Variants in NRG3 observed in about 807,000 individuals in gnomAD.
The protein encoded by NRG3 is pro-neuregulin-3, membrane-bound isoform.
Under a neutral mutation model 66.9 loss-of-function variants are expected in NRG3, and 31 were observed. The ratio of observed to expected loss-of-function variants is 0.46; its 90% CI spans 0.35 to 0.63. The LOEUF (loss-of-function observed/expected upper bound fraction) is 0.63. Among genes scored for constraint, NRG3 ranks in the 20% least tolerant of loss-of-function variants. NRG3 has a pLI of 0.00. For synonymous variants in NRG3, 393 were observed against 359.4 expected (o/e 1.09, Z -1.06); for missense variants, 910 against 878.9 (o/e 1.04, Z -0.45).
At chr10:82,473,883 C>T (rs1024562937) in intron 2 of NRG3, among the ~76,000 whole-genome samples, 1 of 152,012 alleles carries the variant, frequency 6.6e-6, no homozygotes, top group East Asian at 1.9e-4. Flanking sequence ...CGTGAAGACC[C>T]CTGAGACAAG....
chr10:82,254,654 T>TAC (rs147171906), intron 1 of NRG3, among the ~76,000 whole-genome samples: 37,086 of 148,920 alleles, frequency 0.25, 4,692 homozygotes, highest in East Asian at 0.38. Flanking sequence ...ACAAAACAAA[T>TAC]ACACACACAC....
chr10:82,835,852 GCTTAAGTT>G (rs2062748242), intron 3 of NRG3, among the ~76,000 whole-genome samples: 1 of 152,046 alleles, frequency 6.6e-6, no homozygotes, highest in Non-Finnish European at 1.5e-5. Flanking sequence ...AGAATGCCTC[GCTTAAGTT>G]CAATTCAGTC....
At chr10:82,434,570 A>G (rs1301011779) in intron 2 of NRG3, among the ~76,000 whole-genome samples, 1 of 152,210 alleles carries the variant, frequency 6.6e-6, no homozygotes, top group Non-Finnish European at 1.5e-5. Context: ...TCAATATGAT[A>G]TTGGCTGTGG....
At chr10:82,958,850 G>A in intron 5 of NRG3, 99 bp from the exon 6 acceptor site, 1 of 1,323,016 alleles carries the variant, frequency 7.6e-7, no homozygotes. Flanking sequence ...TTTAACTTTA[G>A]CAAATAACAA....
chr10:82,552,091 T>G (rs558747110), intron 2 of NRG3, among the ~76,000 whole-genome samples: 1 of 152,254 alleles, frequency 6.6e-6, no homozygotes, highest in South Asian at 2.1e-4. Flanking sequence ...TGGAGTTGCT[T>G]TTCTTCAACA....
intron 6 of NRG3, among the ~76,000 whole-genome samples, chr10:82,964,257 C>G (rs2132493607): frequency 6.6e-6 from 1 of 152,228 alleles, no homozygotes; most frequent in South Asian, 2.1e-4. Flanking sequence ...AATAATCTCA[C>G]AAATGTGGGC....
chr10:82,747,458 T>A (rs949805947), intron 3 of NRG3, among the ~76,000 whole-genome samples: 9 of 152,084 alleles, frequency 5.9e-5, no homozygotes, highest in African/African-American at 2.2e-4. Flanking sequence ...TGTTTACATT[T>A]CCGTGAGTGA....
At chr10:82,180,847 A>G (rs1351949719) in intron 1 of NRG3, among the ~76,000 whole-genome samples, 1 of 151,896 alleles carries the variant, frequency 6.6e-6, no homozygotes, top group Non-Finnish European at 1.5e-5. Context: ...AGTGTTTAGT[A>G]GAATTTACCA....
Position 82,150,474 on chromosome 10 carries a change from T to C in NRG3, c.824-208265T>C, listed in dbSNP as rs2070624837. 2.3e-5 allele frequency among the ~76,000 whole-genome samples: 3 copies of C among 128,560 alleles called. No individual in the cohort carries two copies. The Admixed American group carries it at 2.8e-4, about 12-fold the overall frequency. The allele number at this position is 128,560 out of a possible 152,430, so 84.3% of individuals were successfully genotyped here. On this transcript the variant is annotated intron_variant, in intron 1 of 8. Transcript: ENST00000372141. Reference sequence around the variant, plus strand: ...CTTTTCATTGGTTTGTTTGTTTAAATTGACATCTCCTGATTTTCAAAACCT... The same window carrying C: ...CTTTTCATTGGTTTGTTTGTTTAAACTGACATCTCCTGATTTTCAAAACCT...
chr10:82,387,517 C>G (rs904144899), intron 2 of NRG3, among the ~76,000 whole-genome samples: 4 of 152,158 alleles, frequency 2.6e-5, no homozygotes, highest in Non-Finnish European at 5.9e-5. Context: ...CCCTAACAAA[C>G]AAGAAAAGGA....
chr10:82,077,050 A>T (rs2065129848), intron 1 of NRG3, among the ~76,000 whole-genome samples: 1 of 152,170 alleles, frequency 6.6e-6, no homozygotes, highest in Admixed American at 6.5e-5. Flanking sequence ...CCTAGAATAA[A>T]ATTTTGGCAA....
chr10:82,421,920 C>G (rs367917478), intron 2 of NRG3, among the ~76,000 whole-genome samples: 52 of 152,146 alleles, frequency 3.4e-4, no homozygotes, highest in African/African-American at 1.2e-3. Flanking sequence ...CAACTACTTT[C>G]GGTTCAACTT....
chr10:82,293,306 A>G (rs2079852488), intron 1 of NRG3, among the ~76,000 whole-genome samples: 1 of 151,164 alleles, frequency 6.6e-6, no homozygotes, highest in African/African-American at 2.5e-5. Context: ...TTTGTCAGAA[A>G]GCTTGCTTGG....
At chr10:82,924,438 G>A (rs1269016179) in intron 4 of NRG3, among the ~76,000 whole-genome samples, 3 of 152,116 alleles carry the variant, frequency 2.0e-5, no homozygotes, top group East Asian at 1.9e-4. Context: ...TGAGGAAGGG[G>A]TAGGAAGTTG....
chr10:82,426,630 T>C (rs2089463905), intron 2 of NRG3, among the ~76,000 whole-genome samples: 1 of 143,708 alleles, frequency 7.0e-6, no homozygotes, highest in African/African-American at 2.5e-5. Context: ...TTATTATTAT[T>C]ATTATTATTA....
At chr10:82,467,907 G>A (rs1448898995) in intron 2 of NRG3, among the ~76,000 whole-genome samples, 1 of 151,952 alleles carries the variant, frequency 6.6e-6, no homozygotes, top group Non-Finnish European at 1.5e-5. Flanking sequence ...CATGTTGTGT[G>A]TGTGTGTATG....
At position 82,116,998 on chromosome 10, in the gene NRG3, A is replaced by G. The variant is rs530838937; in HGVS notation, c.823+240835A>G. Among the ~76,000 whole-genome samples, 23 of 152,206 alleles carry G rather than the reference A, an allele frequency of 1.5e-4. No homozygotes were observed. In the East Asian group the frequency reaches 4.2e-3, roughly 28 times the overall value. On this transcript the variant is annotated intron_variant, in intron 1 of 8. Transcript: ENST00000372141. ...TAGGGTTCACCTCAAGGAGCTGCTGACTGGCCCCCAATGCAGCCCCACAAT... is the reference window on the plus strand; with the variant it reads ...TAGGGTTCACCTCAAGGAGCTGCTGGCTGGCCCCCAATGCAGCCCCACAAT...
intron 1 of NRG3, among the ~76,000 whole-genome samples, chr10:82,201,906 TAGAGAAGAG>T (rs2074847878): frequency 6.6e-6 from 1 of 152,170 alleles, no homozygotes; most frequent in African/African-American, 2.4e-5. Context: ...GTTGAGGATT[TAGAGAAGAG>T]AGAGACACAG....
At chr10:82,506,985 C>T (rs1356193961) in intron 2 of NRG3, among the ~76,000 whole-genome samples, 1 of 152,268 alleles carries the variant, frequency 6.6e-6, no homozygotes, top group African/African-American at 2.4e-5. Flanking sequence ...AGTTACACAG[C>T]AGTACAGGTA....
Sources: allele counts gnomAD v4.1 joint callset (sites outside exome capture counted in the v4.1 genomes callset), GRCh38; gene constraint gnomAD v4.1.1; transcripts MANE v1.5; gene names NCBI Gene and HGNC (gene_info 2026-07-23, HGNC 2026-07-21).